The following CCSER1 variants were observed in gnomAD, a reference collection of about 807,000 sequenced individuals.
The protein encoded by CCSER1 is coiled-coil serine rich protein 1.
Under a neutral mutation model 82.0 loss-of-function variants are expected in CCSER1, and 41 were observed. That is an observed-to-expected ratio of 0.50 (90% CI 0.39 to 0.65). The LOEUF (loss-of-function observed/expected upper bound fraction) is 0.65. Ranked by LOEUF, CCSER1 falls within the 30% of genes least tolerant of loss-of-function variation. The probability of loss-of-function intolerance (pLI) is 0.00; values close to 1 mark genes in which losing one functional copy is unlikely to be tolerated. For synonymous variants in CCSER1, 414 were observed against 383.9 expected (o/e 1.08, Z -0.92); for missense variants, 1,119 against 1,064.2 (o/e 1.05, Z -0.72).
chr4:90,782,806 C>T (rs1234122501), intron 7 of CCSER1, among the ~76,000 whole-genome samples: 2 of 151,228 alleles, frequency 1.3e-5, no homozygotes, highest in African/African-American at 2.4e-5. Context: ...CTCAGCCTTC[C>T]GAGTAGCTGG....
chr4:90,990,592 A>C (rs17200097), intron 9 of CCSER1, among the ~76,000 whole-genome samples: 54,015 of 151,728 alleles, frequency 0.36, 10,433 homozygotes, highest in East Asian at 0.58. Flanking sequence ...CTAGGTTGCC[A>C]TTCTCTCAGA....
chr4:91,454,253 G>A (rs925000371), intron 10 of CCSER1, among the ~76,000 whole-genome samples: 4 of 151,948 alleles, frequency 2.6e-5, no homozygotes, highest in Non-Finnish European at 5.9e-5. Flanking sequence ...ATGACTGCAG[G>A]GCTGGTCGCC....
chr4:90,502,307 A>C (rs1770013356), intron 5 of CCSER1, among the ~76,000 whole-genome samples: 1 of 152,174 alleles, frequency 6.6e-6, no homozygotes, highest in Non-Finnish European at 1.5e-5. Context: ...GAAAGAGAGC[A>C]CAAGGGGAAG....
chr4:90,414,013 T>TATATA (rs1755422871), intron 4 of CCSER1, among the ~76,000 whole-genome samples: 1 of 121,302 alleles, frequency 8.2e-6, no homozygotes, highest in Non-Finnish European at 1.7e-5. Flanking sequence ...TATATATATC[T>TATATA]TCTTCCTAAA....
chr4:90,326,356 A>G (rs35299649), intron 3 of CCSER1, among the ~76,000 whole-genome samples: 2,133 of 152,134 alleles, frequency 0.014, 61 homozygotes, highest in African/African-American at 0.048. Context: ...CACCGTGCCC[A>G]GCCGATAACT....
At chr4:90,224,606 A>T (rs185875943) in intron 1 of CCSER1, among the ~76,000 whole-genome samples, 9 of 152,378 alleles carry the variant, frequency 5.9e-5, no homozygotes, top group Middle Eastern at 3.4e-3. Context: ...AATGATTAAC[A>T]CATGAAACAC....
chr4:90,717,740 AC>A (rs199784306), intron 6 of CCSER1, among the ~76,000 whole-genome samples: 1,464 of 99,194 alleles, frequency 0.015, 33 homozygotes, highest in African/African-American at 0.052. Context: ...ATATATATAT[AC>A]ACATATATAT....
At chr4:91,073,211 G>C (rs925858318) in intron 9 of CCSER1, among the ~76,000 whole-genome samples, 1 of 151,992 alleles carries the variant, frequency 6.6e-6, no homozygotes, top group Non-Finnish European at 1.5e-5. Flanking sequence ...TATTTCAATA[G>C]ATTTTAGCCC....
chr4:90,994,608 AC>A (rs1357925024), intron 9 of CCSER1, among the ~76,000 whole-genome samples: 1 of 149,790 alleles, frequency 6.7e-6, no homozygotes, highest in Non-Finnish European at 1.5e-5. Context: ...TTTTAAAAAA[AC>A]TGATTAGGTA....
intron 10 of CCSER1, among the ~76,000 whole-genome samples, chr4:91,095,416 C>T (rs748771886): frequency 6.6e-6 from 1 of 152,168 alleles, no homozygotes; most frequent in Non-Finnish European, 1.5e-5. Flanking sequence ...ATTGCCACAG[C>T]CAGCAAATCA....
intron 4 of CCSER1, among the ~76,000 whole-genome samples, chr4:90,413,771 G>A (rs1372727184): frequency 1.3e-5 from 2 of 148,310 alleles, no homozygotes; most frequent in Admixed American, 1.3e-4. Context: ...GTGAAACCCC[G>A]TCTCCACTAA....
intron 10 of CCSER1, among the ~76,000 whole-genome samples, chr4:91,194,550 A>G (rs1021900693): frequency 1.1e-4 from 16 of 152,188 alleles, no homozygotes; most frequent in Non-Finnish European, 1.5e-5. Flanking sequence ...TTGAGAAAAA[A>G]AATTATTGAT....
chr4:90,751,874 T>G (rs1279552717), intron 7 of CCSER1, among the ~76,000 whole-genome samples: 1 of 152,122 alleles, frequency 6.6e-6, no homozygotes, highest in African/African-American at 2.4e-5. Context: ...AAGTATAGGA[T>G]ATAAGATTTG....
intron 10 of CCSER1, among the ~76,000 whole-genome samples, chr4:91,180,650 C>A (rs907213922): frequency 1.3e-5 from 2 of 152,102 alleles, no homozygotes; most frequent in Non-Finnish European, 2.9e-5. Flanking sequence ...TTTGCTAAGA[C>A]CATTGGAAAA....
intron 5 of CCSER1, among the ~76,000 whole-genome samples, chr4:90,527,356 A>G (rs1234123678): frequency 1.3e-5 from 2 of 152,198 alleles, no homozygotes; most frequent in African/African-American, 4.8e-5. Context: ...GCTCATGATC[A>G]CTGGTCATTA....
At chr4:91,451,569 CA>C in intron 10 of CCSER1, among the ~76,000 whole-genome samples, 1 of 151,682 alleles carries the variant, frequency 6.6e-6, no homozygotes, top group East Asian at 1.9e-4. Context: ...CCAGAAATGA[CA>C]AATAATAGAA....
At chr4:91,457,013 C>T (rs946940505) in intron 10 of CCSER1, among the ~76,000 whole-genome samples, 2 of 151,990 alleles carry the variant, frequency 1.3e-5, no homozygotes, top group Non-Finnish European at 2.9e-5. Flanking sequence ...AGGAAGTATT[C>T]GTTGAGTAGC....
At chr4:91,225,842 G>A (rs950254813) in intron 10 of CCSER1, among the ~76,000 whole-genome samples, 3 of 151,860 alleles carry the variant, frequency 2.0e-5, no homozygotes, top group Non-Finnish European at 4.4e-5. Context: ...GGGTTAGAAT[G>A]GGTTAGGAGC....
At chr4:91,252,330 C>T (rs984200056) in intron 10 of CCSER1, among the ~76,000 whole-genome samples, 2 of 152,044 alleles carry the variant, frequency 1.3e-5, no homozygotes, top group African/African-American at 2.4e-5. Context: ...GTGAGAAATA[C>T]TCAGTGAAGT....
Sources: gnomAD v4.1 joint callset for allele counts (sites outside exome capture counted in the v4.1 genomes callset) on GRCh38, gnomAD v4.1.1 for gene constraint, MANE v1.5 for transcripts, NCBI Gene and HGNC (gene_info 2026-07-23, HGNC 2026-07-21) for gene names.